The following USP12 variants were observed in gnomAD, a reference collection of about 807,000 sequenced individuals.
USP12 encodes ubiquitin specific peptidase 12.
A neutral mutation model predicts 45.5 loss-of-function variants in USP12; 19 were observed. That is an observed-to-expected ratio of 0.42 (90% CI 0.29 to 0.61). The LOEUF (loss-of-function observed/expected upper bound fraction) is 0.61. USP12 is among the 20% of genes least tolerant of loss of function. The pLI, the probability that USP12 is intolerant of heterozygous loss-of-function variation, is 0.22. For synonymous variants in USP12, 149 were observed against 148.8 expected (o/e 1.00, Z -0.01); for missense variants, 242 against 447.7 (o/e 0.54, Z 4.15).
At chr13:27,150,685 T>C (rs1877527646) in intron 1 of USP12, among the ~76,000 whole-genome samples, 1 of 152,198 alleles carries the variant, frequency 6.6e-6, no homozygotes, top group African/African-American at 2.4e-5. Flanking sequence ...ACTGCAGTCA[T>C]GACAGTGGTA....
chr13:27,097,007 AG>A, intron 3 of USP12, among the ~76,000 whole-genome samples: 1 of 152,296 alleles, frequency 6.6e-6, no homozygotes, highest in Non-Finnish European at 1.5e-5. Flanking sequence ...TTTTAAAAAA[AG>A]TGAAACCTGA....
At chr13:27,148,814 A>ACACACACACACACACACACACACACACAC (rs1555238422) in intron 1 of USP12, among the ~76,000 whole-genome samples, 5 of 150,840 alleles carry the variant, frequency 3.3e-5, no homozygotes, top group Admixed American at 6.6e-5. Flanking sequence ...ACACACACAC[A>ACACACACACACACACACACACACACACAC]AAAATCAGGT....
At chr13:27,120,527 G>A (rs754152175) in intron 1 of USP12, among the ~76,000 whole-genome samples, 9 of 151,696 alleles carry the variant, frequency 5.9e-5, no homozygotes, top group East Asian at 5.8e-4. Flanking sequence ...GGTCGTGGGC[G>A]CCTGTAATTC....
In USP12 at chr13:27,105,649, G is replaced by A. The variant is rs1347941155; in HGVS notation, c.343+82C>T. ...CTAACATGTTATCAGGCATACAGAT[G>A]ATGCTCAGTAAGTGCTGGAATTATG... is the stretch of plus-strand genomic sequence containing the variant. On this transcript the variant is annotated intron_variant, in intron 3 of 8. Coordinates refer to ENST00000282344, the MANE Select transcript of USP12 (RefSeq NM_182488.4). 20 of 1,315,314 alleles carry A rather than the reference G, an allele frequency of 1.5e-5. No homozygotes were observed. The Admixed American group carries it at 3.9e-4, about 26-fold the overall frequency. 81.5% of individuals were successfully genotyped at this position (1,315,314 alleles called of 1,614,324 possible). A position where few individuals can be genotyped will look rare whatever the true frequency, so the allele number is the denominator to read the frequency against.
intron 3 of USP12, among the ~76,000 whole-genome samples, chr13:27,102,055 T>C (rs1427262789): frequency 2.7e-5 from 4 of 150,298 alleles, no homozygotes; most frequent in African/African-American, 4.9e-5. Context: ...ACAATAGGGA[T>C]TGAAACAACT....
At chr13:27,121,408 C>T (rs1875978749) in intron 1 of USP12, among the ~76,000 whole-genome samples, 2 of 152,026 alleles carry the variant, frequency 1.3e-5, no homozygotes, top group South Asian at 2.1e-4. Flanking sequence ...ATTACAAATT[C>T]GCTCTGGAAT....
chr13:27,076,136 G>T (rs1873477528), intron 6 of USP12, among the ~76,000 whole-genome samples: 1 of 151,590 alleles, frequency 6.6e-6, no homozygotes. Flanking sequence ...CAATCTATAT[G>T]ATGCAGGTAC....
intron 2 of USP12, 76 bp from the exon 3 acceptor site, chr13:27,106,020 G>A: frequency 7.8e-6 from 10 of 1,285,578 alleles, no homozygotes; most frequent in African/African-American, 1.5e-5. Context: ...GTATATGGTT[G>A]AGAACAGAAA....
intron 6 of USP12, among the ~76,000 whole-genome samples, chr13:27,085,411 C>T (rs1873966809): frequency 6.6e-6 from 1 of 152,060 alleles, no homozygotes; most frequent in Non-Finnish European, 1.5e-5. Context: ...GAACTCCTGA[C>T]CTCAGGTGAT....
intron 6 of USP12, among the ~76,000 whole-genome samples, chr13:27,088,130 C>G (rs920108784): frequency 2.0e-5 from 3 of 152,160 alleles, no homozygotes; most frequent in Admixed American, 2.0e-4. Context: ...CTTAGAAAGG[C>G]CTGCTTGCGG....
Position 27,095,664 on chromosome 13 carries a change from C to T in USP12, c.510G>A (p.Thr170=), listed in dbSNP as rs142868634. Residue 170 remains threonine, a synonymous_variant, in exon 4 of 9, where the codon ACG becomes ACA. Transcript: ENST00000282344. ...TTCCCTGAAAAATCTCATGAACCCACGTTGGGTCTGGTGTGCTGTTATTAT... is the reference window on the plus strand; with the variant it reads ...TTCCCTGAAAAATCTCATGAACCCATGTTGGGTCTGGTGTGCTGTTATTAT... ...NENNNSTPDP[T]WVHEIFQGTL... 2.2e-5 allele frequency: 35 copies of T among 1,612,254 alleles called. No homozygotes were observed. The highest frequency in any genetic ancestry group is 1.1e-4 in the African/African-American group (8 of 74,884).
At chr13:27,141,984 T>G (rs1461526621) in intron 1 of USP12, among the ~76,000 whole-genome samples, 2 of 151,308 alleles carry the variant, frequency 1.3e-5, no homozygotes, top group Non-Finnish European at 2.9e-5. Flanking sequence ...GCGTGGTACA[T>G]GATGGCGTGT....
chr13:27,108,238 A>G (rs1011304064), intron 2 of USP12, among the ~76,000 whole-genome samples: 15 of 152,256 alleles, frequency 9.9e-5, no homozygotes, highest in African/African-American at 3.6e-4. Flanking sequence ...TTGTAGGGAC[A>G]TGGATGAAAT....
At chr13:27,086,174 TAAAAAAA>T (rs138475761) in intron 6 of USP12, among the ~76,000 whole-genome samples, 55 of 72,326 alleles carry the variant, frequency 7.6e-4, no homozygotes, top group Middle Eastern at 0.012. Context: ...TTTGTCTCTT[TAAAAAAA>T]AAAAAAAAAA....
intron 1 of USP12, among the ~76,000 whole-genome samples, chr13:27,163,455 T>C (rs1566009106): frequency 2.6e-5 from 4 of 152,210 alleles, no homozygotes; most frequent in Non-Finnish European, 5.9e-5. Context: ...AGCTTTTTCC[T>C]GAAGCCCTCT....
At chr13:27,095,392 ATCTT>A (rs1371182920) in intron 4 of USP12, among the ~76,000 whole-genome samples, 3 of 152,202 alleles carry the variant, frequency 2.0e-5, no homozygotes, top group African/African-American at 4.8e-5. Context: ...TACAGTAAGT[ATCTT>A]TCTATCACCT....
At chr13:27,091,560 T>A (rs1405694802) in intron 4 of USP12, among the ~76,000 whole-genome samples, 1 of 152,218 alleles carries the variant, frequency 6.6e-6, no homozygotes, top group African/African-American at 2.4e-5. Context: ...ATTGGACTAA[T>A]ATGTCCTAAT....
chr13:27,116,065 C>A (rs916776348), intron 2 of USP12, among the ~76,000 whole-genome samples: 1 of 152,120 alleles, frequency 6.6e-6, no homozygotes, highest in Admixed American at 6.5e-5. Context: ...CTAATCCCAG[C>A]ACTTTAGGAG....
chr13:27,096,676 A>G (rs1874596821), intron 3 of USP12, among the ~76,000 whole-genome samples: 1 of 152,248 alleles, frequency 6.6e-6, no homozygotes, highest in South Asian at 2.1e-4. Context: ...TGGCAGAGCC[A>G]GGATTCAAAC....
Sources: allele counts gnomAD v4.1 joint callset (sites outside exome capture counted in the v4.1 genomes callset), GRCh38; gene constraint gnomAD v4.1.1; transcripts MANE v1.5; gene names NCBI Gene and HGNC (gene_info 2026-07-23, HGNC 2026-07-21).